Variants in HMBOX1 observed in about 807,000 individuals in gnomAD.
HMBOX1 encodes homeobox-containing protein 1.
In HMBOX1, 14 loss-of-function variants were observed where a neutral mutation model predicts 54.5. The observed-to-expected ratio is 0.26, with a 90% CI of 0.17 to 0.40. HMBOX1 has a LOEUF of 0.40. Among genes scored for constraint, HMBOX1 ranks in the 10% least tolerant of loss-of-function variants. The pLI is 1.00. For synonymous variants in HMBOX1, 160 were observed against 181.0 expected (o/e 0.88, Z 0.93); for missense variants, 332 against 514.4 (o/e 0.65, Z 3.43).
intron 4 of HMBOX1, among the ~76,000 whole-genome samples, chr8:29,006,747 C>T (rs1377147603): frequency 6.6e-6 from 1 of 152,058 alleles, no homozygotes; most frequent in African/African-American, 2.4e-5. Context: ...TATACCAAAG[C>T]CAGAACCTGG....
At chr8:28,984,626 T>C (rs1829908547) in intron 4 of HMBOX1, among the ~76,000 whole-genome samples, 1 of 152,214 alleles carries the variant, frequency 6.6e-6, no homozygotes, top group Admixed American at 6.5e-5. Context: ...AGGGTGGATT[T>C]TTACCTCTGT....
rs149387637 is a variant in HMBOX1, at chr8:28,911,403, T to G, written c.-58+20725T>G. Among the ~76,000 whole-genome samples the G allele has an allele frequency of 4.7e-3, 709 of 152,334 alleles. 3 individuals carry two copies. Among genetic ancestry groups the G allele is most frequent in the African/African-American group, 0.016 (656 of 41,580 alleles). The stretch of plus-strand genomic sequence containing the variant: ...TGAAGTCTCCCTCTATTGCCTAGGC[T>G]GGAGCGCAGTGGCGCGATATCAGCT... On this transcript the variant is annotated intron_variant, in intron 1 of 9. Transcript: ENST00000287701.
chr8:29,034,192 T>A (rs541223422), intron 6 of HMBOX1, among the ~76,000 whole-genome samples: 2 of 152,336 alleles, frequency 1.3e-5, no homozygotes, highest in South Asian at 4.1e-4. Flanking sequence ...TTGAGGAAAC[T>A]TGAATGGACT....
At chr8:29,007,282 CTG>C (rs1010751730) in intron 4 of HMBOX1, among the ~76,000 whole-genome samples, 8 of 151,646 alleles carry the variant, frequency 5.3e-5, no homozygotes, top group Non-Finnish European at 1.0e-4. Flanking sequence ...GAGTGAAACT[CTG>C]TTTCCAAAAA....
At chr8:29,032,406 T>TA (rs1383281815) in intron 6 of HMBOX1, among the ~76,000 whole-genome samples, 1 of 151,844 alleles carries the variant, frequency 6.6e-6, no homozygotes, top group East Asian at 1.9e-4. Flanking sequence ...CCTTTCTACA[T>TA]GATCAAGGAA....
chr8:28,891,619 T>C (rs1365992881), intron 1 of HMBOX1: 1 of 152,180 alleles, frequency 6.6e-6, no homozygotes, highest in Non-Finnish European at 1.5e-5. Context: ...GAATGTCTGT[T>C]ATGTATCTGG....
At chr8:28,938,871 A>G (rs1485924819) in intron 1 of HMBOX1, among the ~76,000 whole-genome samples, 2 of 152,108 alleles carry the variant, frequency 1.3e-5, no homozygotes, top group Non-Finnish European at 2.9e-5. Context: ...CTTCCTTTCT[A>G]AATTAAAAAT....
chr8:28,927,479 G>A (rs1161980823), intron 1 of HMBOX1, among the ~76,000 whole-genome samples: 5 of 152,080 alleles, frequency 3.3e-5, no homozygotes, highest in Non-Finnish European at 7.4e-5. Flanking sequence ...ACTCATGGTG[G>A]AAGGCAAAAG....
At chr8:29,022,449 T>G (rs542290896) in intron 6 of HMBOX1, among the ~76,000 whole-genome samples, 1 of 152,182 alleles carries the variant, frequency 6.6e-6, no homozygotes, top group South Asian at 2.1e-4. Flanking sequence ...AAAGATATAC[T>G]GGCAAAAATA....
rs1001838711 is a variant in HMBOX1, at chr8:28,970,886, C to T, written c.500+367C>T. ...TTCTGAGGGATAATTTTATCTTGATCAGAATATGTACACTCTTAATTTTTC... is the reference window on the plus strand; with the variant it reads ...TTCTGAGGGATAATTTTATCTTGATTAGAATATGTACACTCTTAATTTTTC... On this transcript the variant is annotated intron_variant, in intron 3 of 9. Transcript: ENST00000287701. This position sits in a 1 kb window ranked among gnomAD's most constrained non-coding sequence, Gnocchi z 4.3. 5.3e-5 allele frequency among the ~76,000 whole-genome samples: 8 copies of T among 151,364 alleles called. No individual in the cohort carries two copies. The highest frequency in any genetic ancestry group is 1.9e-4 in the African/African-American group (8 of 41,130).
At chr8:28,933,306 CTCAAGT>C (rs1282322762) in intron 1 of HMBOX1, among the ~76,000 whole-genome samples, 1 of 152,202 alleles carries the variant, frequency 6.6e-6, no homozygotes, top group Non-Finnish European at 1.5e-5. Flanking sequence ...AATAAGGCTT[CTCAAGT>C]TCAGTTCCCC....
intron 1 of HMBOX1, among the ~76,000 whole-genome samples, chr8:28,900,546 C>CT (rs1459598096): frequency 6.6e-6 from 1 of 151,906 alleles, no homozygotes; most frequent in Non-Finnish European, 1.5e-5. Flanking sequence ...TCCATCCTCT[C>CT]TGATTGCTTA....
At chr8:29,029,751 A>G (rs938407372) in intron 6 of HMBOX1, among the ~76,000 whole-genome samples, 1 of 152,248 alleles carries the variant, frequency 6.6e-6, no homozygotes, top group Admixed American at 6.5e-5. Flanking sequence ...AATTCTACTC[A>G]TTGAACTTCT....
chr8:28,963,854 G>T lies in HMBOX1; in HGVS notation c.-14G>T. 1.3e-6 allele frequency: 2 copies of T among 1,597,466 alleles called. No individual in the cohort carries two copies. Among genetic ancestry groups the T allele is most frequent in the Non-Finnish European group, 1.7e-6 (2 of 1,169,558 alleles). ...TCATCTCTGGAAAGGATATTGATCC[G>T]CCTCATGTAAAGTATGCTTAGTTCC... On this transcript the variant is annotated 5_prime_UTR_variant, in exon 2 of 10. Coordinates refer to ENST00000287701, the MANE Select transcript of HMBOX1 (RefSeq NM_001135726.3).
At chr8:28,986,127 TAGTTTTGCCTTTCC>T (rs1480528601) in intron 4 of HMBOX1, among the ~76,000 whole-genome samples, 2 of 152,330 alleles carry the variant, frequency 1.3e-5, no homozygotes, top group Admixed American at 6.5e-5. Flanking sequence ...ATGGTTTCCC[TAGTTTTGCCTTTCC>T]AGAATGTCAT....
At chr8:29,049,299 C>T in intron 9 of HMBOX1, 2 of 1,535,686 alleles carry the variant, frequency 1.3e-6, no homozygotes, top group Non-Finnish European at 1.7e-6. Context: ...GGATACTTGG[C>T]AAGTACGCAA....
intron 4 of HMBOX1, among the ~76,000 whole-genome samples, chr8:28,983,110 T>C (rs1180190026): frequency 2.0e-5 from 3 of 152,240 alleles, no homozygotes; most frequent in African/African-American, 2.4e-5. Context: ...CTGCCATATC[T>C]ATGGGATTTG....
At chr8:28,981,402 T>C (rs1397410246) in intron 4 of HMBOX1, among the ~76,000 whole-genome samples, 6 of 152,212 alleles carry the variant, frequency 3.9e-5, no homozygotes, top group African/African-American at 1.2e-4. Context: ...GTTGTTAACC[T>C]TTATCTTCAA....
At chr8:29,010,144 T>C in intron 5 of HMBOX1, 3 of 976,986 alleles carry the variant, frequency 3.1e-6, no homozygotes, top group Non-Finnish European at 3.6e-6. Context: ...CCTATCAACC[T>C]CTACAATAAT....
Sources: gnomAD v4.1 joint callset for allele counts (sites outside exome capture counted in the v4.1 genomes callset) on GRCh38, gnomAD v4.1.1 for gene constraint, Gnocchi (gnomAD v3.1) non-coding constraint, MANE v1.5 for transcripts, NCBI Gene and HGNC (gene_info 2026-07-23, HGNC 2026-07-21) for gene names.